CALD1: variants seen among roughly 807,000 people sequenced by gnomAD.
The protein encoded by CALD1 is caldesmon.
CALD1 carries 33 observed loss-of-function variants against 99.9 expected under a neutral mutation model. That is an observed-to-expected ratio of 0.33 (90% CI 0.25 to 0.44). The LOEUF is 0.44. Among genes scored for constraint, CALD1 ranks in the 20% least tolerant of loss-of-function variants. The pLI is 1.00. For missense variants in CALD1, 861 were observed against 962.1 expected, an observed-to-expected ratio of 0.89 and a Z score of 1.39; for synonymous variants, 310 against 325.0, an observed-to-expected ratio of 0.95 and a Z score of 0.50.
intron 1 of CALD1, among the ~76,000 whole-genome samples, chr7:134,758,892 TC>T (rs753496146): frequency 2.4e-4 from 36 of 152,110 alleles, no homozygotes; most frequent in Non-Finnish European, 4.0e-4. Flanking sequence ...TCTGTACCCT[TC>T]CTTCCCAGCC....
At chr7:134,795,082 C>T (rs1031349575) in intron 1 of CALD1, among the ~76,000 whole-genome samples, 2 of 152,144 alleles carry the variant, frequency 1.3e-5, no homozygotes, top group Non-Finnish European at 2.9e-5. Flanking sequence ...GAGCTGCTCT[C>T]GTCTTTTTTA....
At chr7:134,894,896 A>G (rs1010055767) in intron 3 of CALD1, among the ~76,000 whole-genome samples, 2 of 152,136 alleles carry the variant, frequency 1.3e-5, no homozygotes, top group Non-Finnish European at 2.9e-5. Flanking sequence ...TTTAGTCCAT[A>G]AAGGGTTATT....
intron 1 of CALD1, among the ~76,000 whole-genome samples, chr7:134,782,272 A>AG (rs1365343780): frequency 6.6e-6 from 1 of 152,208 alleles, no homozygotes; most frequent in African/African-American, 2.4e-5. Flanking sequence ...AAATGCTGAT[A>AG]GAGTGGTATG....
intron 11 of CALD1, among the ~76,000 whole-genome samples, chr7:134,959,411 C>T (rs1808077456): frequency 1.3e-5 from 2 of 152,098 alleles, no homozygotes; most frequent in South Asian, 4.1e-4. Flanking sequence ...GTGACTCATG[C>T]CTGTCGTCAC....
chr7:134,931,093 CTT>C (rs550104837), intron 4 of CALD1, among the ~76,000 whole-genome samples: 3 of 144,046 alleles, frequency 2.1e-5, no homozygotes, highest in African/African-American at 5.1e-5. Flanking sequence ...AAATCAAATT[CTT>C]TTTTTTTTTA....
intron 1 of CALD1, among the ~76,000 whole-genome samples, chr7:134,812,890 T>C (rs1441247907): frequency 6.6e-6 from 1 of 152,048 alleles, no homozygotes; most frequent in East Asian, 1.9e-4. Flanking sequence ...AGTTATTAGA[T>C]AGAGGAGCTC....
intron 1 of CALD1, among the ~76,000 whole-genome samples, chr7:134,759,457 C>T (rs768476011): frequency 1.1e-4 from 17 of 152,048 alleles, no homozygotes; most frequent in Admixed American, 2.0e-4. Flanking sequence ...GACACAGATA[C>T]GGAGGAACAG....
the CALD1 span, among the ~76,000 whole-genome samples, chr7:134,711,628 T>TTCTCTCTCTCTCTCTC: frequency 1.3e-3 from 86 of 64,036 alleles, 2 homozygotes; most frequent in African/African-American, 4.9e-3. Flanking sequence ...CAACCTCAGC[T>TTCTCTCTCTCTCTCTC]TCTCTCTCTC....
chr7:134,786,157 C>T (rs1797296837), intron 1 of CALD1, among the ~76,000 whole-genome samples: 1 of 151,950 alleles, frequency 6.6e-6, no homozygotes, highest in African/African-American at 2.4e-5. Context: ...GTGGTGGATC[C>T]CTGGGAGGCC....
chr7:134,883,638 C>T (rs560901184), intron 3 of CALD1, among the ~76,000 whole-genome samples: 1 of 152,186 alleles, frequency 6.6e-6, no homozygotes. Context: ...AAGCTTTCTT[C>T]TCCTACTCTA....
At chr7:134,770,368 TTC>T (rs1284310237) in intron 1 of CALD1, among the ~76,000 whole-genome samples, 1 of 152,220 alleles carries the variant, frequency 6.6e-6, no homozygotes, top group Non-Finnish European at 1.5e-5. Context: ...TGCACATTTC[TTC>T]TCTCACAGTT....
rs75338080 is a variant in CALD1, at chr7:134,812,302, A to C, written c.-129-31582A>C. ...TAGCTTCATGTGGTAGAAAGTTATT[A>C]TTTTCTATAAAGAAAGAAGAATGTG... is the stretch of plus-strand genomic sequence containing the variant. On this transcript the variant is annotated intron_variant, in intron 1 of 14. Coordinates refer to ENST00000361675, the MANE Select transcript of CALD1 (RefSeq NM_033138.4). Among the ~76,000 whole-genome samples the C allele has an allele frequency of 3.7e-5, 4 of 108,402 alleles. No homozygotes were observed. In the South Asian group the frequency reaches 1.2e-3, roughly 31 times the overall value. 71.1% of individuals were successfully genotyped at this position (108,402 alleles called of 152,430 possible).
chr7:134,922,448 G>A (rs764727576), intron 3 of CALD1, among the ~76,000 whole-genome samples: 3 of 152,208 alleles, frequency 2.0e-5, no homozygotes, highest in Non-Finnish European at 4.4e-5. Flanking sequence ...ATGGAGAAAA[G>A]ACAAAATGAA....
intron 3 of CALD1, among the ~76,000 whole-genome samples, chr7:134,925,825 G>A (rs1804973198): frequency 6.6e-6 from 1 of 152,130 alleles, no homozygotes; most frequent in Non-Finnish European, 1.5e-5. Context: ...TATGCCTCTT[G>A]CTTGTCTTGG....
intron 1 of CALD1, among the ~76,000 whole-genome samples, chr7:134,762,295 T>A (rs943098812): frequency 6.6e-6 from 1 of 152,200 alleles, no homozygotes; most frequent in Admixed American, 6.5e-5. Flanking sequence ...CATCTGGCCC[T>A]AAATAGATAT....
chr7:134,864,575 T>G (rs1414642968), intron 2 of CALD1, among the ~76,000 whole-genome samples: 1 of 151,988 alleles, frequency 6.6e-6, no homozygotes, highest in Admixed American at 6.5e-5. Flanking sequence ...ATTTTTTGTG[T>G]GTTTAGTAAA....
chr7:134,878,009 C>G, intron 3 of CALD1, among the ~76,000 whole-genome samples: 1 of 152,168 alleles, frequency 6.6e-6, no homozygotes, highest in East Asian at 1.9e-4. Flanking sequence ...TATAAACTCA[C>G]CATACAGCCT....
At chr7:134,824,585 GAA>G (rs1363707648) in intron 1 of CALD1, among the ~76,000 whole-genome samples, 2 of 152,038 alleles carry the variant, frequency 1.3e-5, no homozygotes, top group Admixed American at 1.3e-4. Flanking sequence ...TCTGATGCTT[GAA>G]AAGTTTCTCT....
At chr7:134,883,845 C>T (rs752739182) in intron 3 of CALD1, among the ~76,000 whole-genome samples, 21 of 152,172 alleles carry the variant, frequency 1.4e-4, no homozygotes, top group African/African-American at 2.9e-4. Flanking sequence ...CGGTGGCTCA[C>T]GCCTGTAATC....
Sources: gnomAD v4.1 joint callset for allele counts (sites outside exome capture counted in the v4.1 genomes callset) on GRCh38, gnomAD v4.1.1 for gene constraint, MANE v1.5 for transcripts, NCBI Gene and HGNC (gene_info 2026-07-23, HGNC 2026-07-21) for gene names.